AFF3: variants seen among roughly 807,000 people sequenced by gnomAD.
The protein encoded by AFF3 is ALF transcription elongation factor 3.
A neutral mutation model predicts 129.7 loss-of-function variants in AFF3; 32 were observed. The observed-to-expected ratio is 0.25, with a 90% CI of 0.19 to 0.33. AFF3 has a LOEUF of 0.33. Ranked by LOEUF, AFF3 falls within the 10% of genes least tolerant of loss-of-function variation. The pLI is 1.00. For missense variants in AFF3, 1,373 were observed against 1,592.0 expected, an observed-to-expected ratio of 0.86 and a Z score of 2.34; for synonymous variants, 644 against 635.4, an observed-to-expected ratio of 1.01 and a Z score of -0.20.
At position 99,889,411 on chromosome 2, in the gene AFF3, A is replaced by C. The variant is rs544206150; in HGVS notation, c.874-51887T>G. Among the ~76,000 whole-genome samples, 7 of 152,352 alleles carry C rather than the reference A, an allele frequency of 4.6e-5. No homozygotes were observed. In the South Asian group the frequency reaches 1.5e-3, roughly 32 times the overall value. On this transcript the variant is annotated intron_variant, in intron 7 of 24. Transcript: ENST00000672756. ...CCATTTGAAATATATTTATTAGCAG[A>C]GGTACCTGTGCCATTGTTTTTGAAT...
At chr2:99,751,896 T>A (rs896209417) in intron 9 of AFF3, among the ~76,000 whole-genome samples, 4 of 152,180 alleles carry the variant, frequency 2.6e-5, no homozygotes, top group African/African-American at 4.8e-5. Context: ...TTCAGAAAAA[T>A]CCAGGACATA....
At chr2:99,827,479 C>G (rs1378894121) in intron 8 of AFF3, among the ~76,000 whole-genome samples, 2 of 151,962 alleles carry the variant, frequency 1.3e-5, no homozygotes, top group Non-Finnish European at 2.9e-5. Flanking sequence ...TTCTGATAAG[C>G]AAGCCTGGGG....
At chr2:99,584,583 A>G (rs1677909540) in intron 16 of AFF3, among the ~76,000 whole-genome samples, 1 of 152,224 alleles carries the variant, frequency 6.6e-6, no homozygotes, top group African/African-American at 2.4e-5. Context: ...GCTTGAATGT[A>G]ACATTCTCCA....
At chr2:99,988,205 T>C (rs1465331349) in intron 7 of AFF3, among the ~76,000 whole-genome samples, 1 of 152,024 alleles carries the variant, frequency 6.6e-6, no homozygotes, top group Non-Finnish European at 1.5e-5. Flanking sequence ...TGAAGGAACA[T>C]AGAAAGCAAC....
At chr2:99,648,329 A>C (rs1351094947) in intron 13 of AFF3, among the ~76,000 whole-genome samples, 1 of 108,414 alleles carries the variant, frequency 9.2e-6, no homozygotes, top group African/African-American at 3.5e-5. Flanking sequence ...CATTTTGTTG[A>C]AGGAACTGCT....
intron 8 of AFF3, among the ~76,000 whole-genome samples, chr2:99,834,602 C>G (rs986251141): frequency 1.1e-4 from 16 of 152,200 alleles, no homozygotes; most frequent in African/African-American, 2.9e-4. Context: ...AGGGCACTTG[C>G]AAAGGTCACC....
intron 8 of AFF3, among the ~76,000 whole-genome samples, chr2:99,835,061 C>T (rs542769130): frequency 1.4e-4 from 22 of 152,144 alleles, no homozygotes; most frequent in African/African-American, 3.1e-4. Context: ...CCGCCCTTCC[C>T]GCAAACCAGG....
At chr2:99,907,284 C>A (rs1694784071) in intron 7 of AFF3, among the ~76,000 whole-genome samples, 3 of 152,292 alleles carry the variant, frequency 2.0e-5, no homozygotes, top group Admixed American at 1.3e-4. Context: ...TTGCCTAACA[C>A]TGTGCCAATT....
chr2:100,015,701 A>ACTGAAAGG (rs1177805154), intron 4 of AFF3, among the ~76,000 whole-genome samples: 1 of 152,238 alleles, frequency 6.6e-6, no homozygotes, highest in African/African-American at 2.4e-5. Flanking sequence ...TAGCTGGTGG[A>ACTGAAAGG]CTGAAAGGCA....
At chr2:99,876,643 A>G (rs1168835915) in intron 7 of AFF3, among the ~76,000 whole-genome samples, 3 of 152,064 alleles carry the variant, frequency 2.0e-5, no homozygotes, top group South Asian at 4.2e-4. Context: ...CCTGCTTGAG[A>G]TTCTCCAACG....
At chr2:99,948,342 C>T (rs13402819) in intron 7 of AFF3, among the ~76,000 whole-genome samples, 7,115 of 152,230 alleles carry the variant, frequency 0.047, 550 homozygotes, top group African/African-American at 0.16. Context: ...TTGAAGACTC[C>T]TACCCTTAAC....
At chr2:99,868,182 G>A (rs1691588485) in intron 7 of AFF3, among the ~76,000 whole-genome samples, 1 of 152,074 alleles carries the variant, frequency 6.6e-6, no homozygotes, top group Admixed American at 6.6e-5. Flanking sequence ...GTATTCTCAG[G>A]TCTACCCATT....
chr2:99,772,652 A>G (rs1246797898), intron 8 of AFF3, among the ~76,000 whole-genome samples: 1 of 152,212 alleles, frequency 6.6e-6, no homozygotes, highest in Admixed American at 6.5e-5. Flanking sequence ...CTGAAGTGAT[A>G]TGGCTAAGCC....
chr2:99,885,999 C>A (rs1306185120), intron 7 of AFF3, among the ~76,000 whole-genome samples: 1 of 152,232 alleles, frequency 6.6e-6, no homozygotes, highest in African/African-American at 2.4e-5. Context: ...AAGGAACACG[C>A]AGACAGTGAA....
chr2:99,608,819 A>G (rs111330951), intron 13 of AFF3, among the ~76,000 whole-genome samples: 32 of 152,214 alleles, frequency 2.1e-4, no homozygotes, highest in Non-Finnish European at 4.6e-4. Context: ...ACTAATTTGA[A>G]AAGTTTTAAC....
At position 99,918,896 on chromosome 2, in the gene AFF3, T is replaced by G. The variant is rs10201219; in HGVS notation, c.874-81372A>C. Reference sequence around the variant, plus strand: ...TTGGGTATCTTTGAGTCTTTGTCATTCAAAACCATTTTTGCACAAAACCAC... The same window carrying G: ...TTGGGTATCTTTGAGTCTTTGTCATGCAAAACCATTTTTGCACAAAACCAC... On this transcript the variant is annotated intron_variant, in intron 7 of 24. Transcript: ENST00000672756. Among the ~76,000 whole-genome samples the G allele has an allele frequency of 9.4e-3, 1,426 of 152,306 alleles. 26 individuals carry two copies. Among genetic ancestry groups the G allele is most frequent in the African/African-American group, 0.032 (1,345 of 41,564 alleles).
At chr2:100,046,774 A>G (rs960293215) in intron 4 of AFF3, among the ~76,000 whole-genome samples, 3 of 152,194 alleles carry the variant, frequency 2.0e-5, no homozygotes, top group South Asian at 2.1e-4. Flanking sequence ...CTGGGCTCCA[A>G]CCAGACTCCC....
At chr2:100,002,366 T>G (rs1681500644) in intron 7 of AFF3, among the ~76,000 whole-genome samples, 1 of 152,236 alleles carries the variant, frequency 6.6e-6, no homozygotes, top group South Asian at 2.1e-4. Flanking sequence ...ATCAGTTAAT[T>G]GCTTTTCTAG....
At chr2:99,762,733 A>G (rs921814182) in intron 8 of AFF3, among the ~76,000 whole-genome samples, 3 of 152,218 alleles carry the variant, frequency 2.0e-5, no homozygotes, top group African/African-American at 7.2e-5. Flanking sequence ...AGATGACCGC[A>G]GTTAACTCCA....
Sources: allele counts gnomAD v4.1 joint callset (sites outside exome capture counted in the v4.1 genomes callset), GRCh38; gene constraint gnomAD v4.1.1; transcripts MANE v1.5; gene names NCBI Gene and HGNC (gene_info 2026-07-23, HGNC 2026-07-21).